Variants in EPHB2 observed in about 807,000 individuals in gnomAD.
The protein encoded by EPHB2 is ephrin type-B receptor 2.
Under a neutral mutation model 96.4 loss-of-function variants are expected in EPHB2, and 18 were observed. The ratio of observed to expected loss-of-function variants is 0.19; its 90% CI spans 0.13 to 0.28. The LOEUF is 0.28. EPHB2 is among the 10% of genes least tolerant of loss of function. The probability of loss-of-function intolerance (pLI) is 1.00; values close to 1 mark genes in which losing one functional copy is unlikely to be tolerated. For missense variants in EPHB2, 989 were observed against 1,355.4 expected, an observed-to-expected ratio of 0.73 and a Z score of 4.25; for synonymous variants, 506 against 534.1, an observed-to-expected ratio of 0.95 and a Z score of 0.72.
intron 3 of EPHB2, among the ~76,000 whole-genome samples, chr1:22,823,823 AG>A: frequency 6.6e-6 from 1 of 152,184 alleles, no homozygotes; most frequent in Admixed American, 6.5e-5. Context: ...CCTGGCACAT[AG>A]TAGGTGTTCA....
intron 1 of EPHB2, among the ~76,000 whole-genome samples, chr1:22,747,177 C>CACCG (rs1465224245): frequency 6.6e-6 from 1 of 152,228 alleles, no homozygotes; most frequent in Non-Finnish European, 1.5e-5. Flanking sequence ...AGGGTTCAGT[C>CACCG]ACCGGACTGA....
At position 22,793,399 on chromosome 1, in the gene EPHB2, G is replaced by C. The variant is rs899679757; in HGVS notation, c.811+8323G>C. On this transcript the variant is annotated intron_variant, in intron 3 of 15. Coordinates refer to ENST00000374630, the MANE Select transcript of EPHB2 (RefSeq NM_017449.5). ...GGGTGCTTAGGAGGGAATGGGGAGA[G>C]AGCCAAGAAGGCTTCCTGGAGGAGG... Among the ~76,000 whole-genome samples, 3 of 152,184 alleles carry C rather than the reference G, an allele frequency of 2.0e-5. No homozygotes were observed. In the South Asian group the frequency reaches 6.2e-4, roughly 32 times the overall value.
Position 22,906,207 on chromosome 1 carries a change from A to C in EPHB2, c.1888+98A>C, listed in dbSNP as rs1166209337. The stretch of plus-strand genomic sequence containing the variant: ...TGGGGCAGAAGGTAGGATGTGGGAC[A>C]GGCGCCTCAAAGGACCCCCCAAGGC... On this transcript the variant is annotated intron_variant, in intron 10 of 15. Coordinates refer to ENST00000374630, the MANE Select transcript of EPHB2 (RefSeq NM_017449.5). This position sits in a 1 kb window ranked among gnomAD's most constrained non-coding sequence, Gnocchi z 4.8. The C allele has an allele frequency of 1.2e-5, 19 of 1,581,278 alleles. No homozygotes were observed. The highest frequency in any genetic ancestry group is 8.6e-7 in the Non-Finnish European group (1 of 1,161,364).
At chr1:22,890,327 T>C (rs1327214921) in intron 6 of EPHB2, among the ~76,000 whole-genome samples, 1 of 152,164 alleles carries the variant, frequency 6.6e-6, no homozygotes, top group Admixed American at 6.5e-5. Flanking sequence ...GGAGGCTTCC[T>C]GGAGGAGGAG....
Position 22,882,496 on chromosome 1 carries a change from TG to T in EPHB2, c.1428+16del. On this transcript the variant is annotated intron_variant, in intron 6 of 15. Transcript: ENST00000374630. The stretch of plus-strand genomic sequence containing the variant: ...GTACTATGAGAAGGTACCTATTGGC[TG>T]GGTGCTGTCCCCATCACCCACCTCC... The T allele has an allele frequency of 6.2e-7, 1 of 1,613,544 alleles. No individual in the cohort carries two copies. The highest frequency in any genetic ancestry group is 1.1e-5 in the South Asian group (1 of 91,036).
intron 5 of EPHB2, among the ~76,000 whole-genome samples, chr1:22,880,676 G>A (rs778350853): frequency 6.6e-6 from 1 of 152,244 alleles, no homozygotes; most frequent in Non-Finnish European, 1.5e-5. Flanking sequence ...CTGACTGTGT[G>A]ATCTCAGGAA....
At chr1:22,864,121 T>C (rs1638379739) in intron 4 of EPHB2, among the ~76,000 whole-genome samples, 2 of 150,486 alleles carry the variant, frequency 1.3e-5, no homozygotes, top group Non-Finnish European at 2.9e-5. Flanking sequence ...TCTCAGCTCA[T>C]GGCAACTTCC....
intron 3 of EPHB2, among the ~76,000 whole-genome samples, chr1:22,787,375 C>T (rs1329461458): frequency 2.0e-5 from 3 of 152,072 alleles, no homozygotes; most frequent in African/African-American, 7.2e-5. Flanking sequence ...TGGCTAAGGG[C>T]TGGAGGAGGG....
rs771704926 is a variant in EPHB2 at position 22,896,568 on chromosome 1, C to T, written c.1765+90C>T. ...TTAAGCCATCTTTGACCTCCTTCTG[C>T]CATGCTGCAGGCAGACAATGTCAAG... On this transcript the variant is annotated intron_variant, in intron 9 of 15. Coordinates refer to ENST00000374630, the MANE Select transcript of EPHB2 (RefSeq NM_017449.5). 1.2e-4 allele frequency: 191 copies of T among 1,533,534 alleles called. 2 individuals are homozygous for T. The highest frequency in any genetic ancestry group is 7.2e-4 in the South Asian group (64 of 88,678). The allele number at this position is 1,533,534 out of a possible 1,614,324, so 95.0% of individuals were successfully genotyped here. A position where few individuals can be genotyped will look rare whatever the true frequency, so the allele number is the denominator to read the frequency against.
At chr1:22,848,745 G>A (rs1356524730) in intron 3 of EPHB2, among the ~76,000 whole-genome samples, 1 of 152,090 alleles carries the variant, frequency 6.6e-6, no homozygotes, top group Non-Finnish European at 1.5e-5. Context: ...TTCTCCCAGA[G>A]ATGCCAAATG....
intron 14 of EPHB2, among the ~76,000 whole-genome samples, chr1:22,912,165 C>T (rs1411619955): frequency 6.6e-6 from 1 of 152,184 alleles, no homozygotes; most frequent in East Asian, 1.9e-4. Flanking sequence ...CTTGGCCATC[C>T]CTGCAGTGCC....
At chr1:22,911,351 G>A (rs1355150994) in intron 14 of EPHB2, among the ~76,000 whole-genome samples, 1 of 151,874 alleles carries the variant, frequency 6.6e-6, no homozygotes, top group African/African-American at 2.4e-5. Context: ...ACACAATTAG[G>A]CACAAACACT....
intron 1 of EPHB2, among the ~76,000 whole-genome samples, chr1:22,721,051 A>G (rs994121868): frequency 6.6e-5 from 10 of 152,164 alleles, no homozygotes; most frequent in Non-Finnish European, 1.3e-4. Context: ...TGTGTTCTTC[A>G]TTCTACTATG....
intron 1 of EPHB2, among the ~76,000 whole-genome samples, chr1:22,711,806 A>G (rs755841055): frequency 3.3e-5 from 5 of 151,490 alleles, no homozygotes; most frequent in Non-Finnish European, 7.4e-5. Context: ...TGCTCTTGCC[A>G]TGTGTTGGCC....
intron 1 of EPHB2, among the ~76,000 whole-genome samples, chr1:22,754,155 C>T (rs1310744073): frequency 6.6e-6 from 1 of 151,850 alleles, no homozygotes; most frequent in Non-Finnish European, 1.5e-5. Flanking sequence ...AGACAGGCAG[C>T]CAGGAAGCTT....
At chr1:22,792,919 C>T (rs999185685) in intron 3 of EPHB2, among the ~76,000 whole-genome samples, 2 of 152,080 alleles carry the variant, frequency 1.3e-5, no homozygotes, top group Admixed American at 6.5e-5. Flanking sequence ...TCCAGGGGAG[C>T]GTCAGCCAGG....
At chr1:22,841,257 T>A (rs1645464368) in intron 3 of EPHB2, among the ~76,000 whole-genome samples, 1 of 152,248 alleles carries the variant, frequency 6.6e-6, no homozygotes, top group East Asian at 1.9e-4. Flanking sequence ...GTAGTTGTCA[T>A]GGTCAGTTAT....
At chr1:22,887,959 A>G in intron 6 of EPHB2, among the ~76,000 whole-genome samples, 1 of 152,188 alleles carries the variant, frequency 6.6e-6, no homozygotes, top group East Asian at 1.9e-4. Flanking sequence ...CCACTCATTC[A>G]TTCACTTTTG....
chr1:22,872,008 T>A (rs1366228927), intron 5 of EPHB2, among the ~76,000 whole-genome samples: 2 of 101,812 alleles, frequency 2.0e-5, no homozygotes, highest in Non-Finnish European at 2.1e-5. Context: ...AGAGCGAGAC[T>A]CCATCTCAAA....
Sources: gnomAD v4.1 joint callset for allele counts (sites outside exome capture counted in the v4.1 genomes callset) on GRCh38, gnomAD v4.1.1 for gene constraint, Gnocchi (gnomAD v3.1) non-coding constraint, MANE v1.5 for transcripts, NCBI Gene and HGNC (gene_info 2026-07-23, HGNC 2026-07-21) for gene names.